The following TENM2 variants were observed in gnomAD, a reference collection of about 807,000 sequenced individuals.
The protein encoded by TENM2 is teneurin-2.
TENM2 carries 52 observed loss-of-function variants against 245.2 expected under a neutral mutation model. That is an observed-to-expected ratio of 0.21 (90% CI 0.17 to 0.27). The LOEUF is 0.27. TENM2 is among the 10% of genes least tolerant of loss of function. The pLI, the probability that TENM2 is intolerant of heterozygous loss-of-function variation, is 1.00. For synonymous variants in TENM2, 1,363 were observed against 1,438.9 expected (o/e 0.95, Z 1.19); for missense variants, 3,046 against 3,666.8 (o/e 0.83, Z 4.37).
chr5:167,766,270 G>T (rs1395920488), intron 2 of TENM2, among the ~76,000 whole-genome samples: 1 of 151,998 alleles, frequency 6.6e-6, no homozygotes, highest in African/African-American at 2.4e-5. Context: ...CTAAGCTGGG[G>T]AAAAATTTTA....
At chr5:167,758,049 C>T (rs1762423719) in intron 2 of TENM2, among the ~76,000 whole-genome samples, 1 of 152,202 alleles carries the variant, frequency 6.6e-6, no homozygotes, top group South Asian at 2.1e-4. Flanking sequence ...GATGTAGAAT[C>T]TACCAGAGTT....
chr5:167,834,672 C>T (rs1301416997), intron 2 of TENM2, among the ~76,000 whole-genome samples: 9 of 136,202 alleles, frequency 6.6e-5, no homozygotes, highest in South Asian at 2.4e-4. Context: ...CTTTTTGAGA[C>T]GGAGTCTCGC....
intron 2 of TENM2, among the ~76,000 whole-genome samples, chr5:167,665,247 A>G (rs1755494144): frequency 6.6e-6 from 1 of 152,210 alleles, no homozygotes; most frequent in African/African-American, 2.4e-5. Context: ...ACATAAAATT[A>G]CTTAGCACAA....
At chr5:167,839,940 C>T (rs1769346734) in intron 2 of TENM2, among the ~76,000 whole-genome samples, 1 of 152,212 alleles carries the variant, frequency 6.6e-6, no homozygotes, top group South Asian at 2.1e-4. Flanking sequence ...GCTTCAGCCT[C>T]CCAAGTAGCT....
At chr5:167,126,045 G>T in the TENM2 span, among the ~76,000 whole-genome samples, 3 of 152,302 alleles carry the variant, frequency 2.0e-5, no homozygotes, top group African/African-American at 7.2e-5. Context: ...TTTCTGCTTA[G>T]ATGTCCACAG....
Position 168,199,799 on chromosome 5 carries a change from C to T in TENM2, c.3163-65C>T, listed in dbSNP as rs748476703. ...GAGGGACATAGCAGACAGACAGTAT[C>T]GGGGTTACAGTTTACCTGCACAGGT... On this transcript the variant is annotated intron_variant, in intron 16 of 28. Transcript: ENST00000518659. 7 of 1,531,142 alleles carry T rather than the reference C, an allele frequency of 4.6e-6. No individual in the cohort carries two copies. In the Admixed American group the frequency reaches 5.2e-5, roughly 11 times the overall value. The allele number at this position is 1,531,142 out of a possible 1,614,324, so 94.8% of individuals were successfully genotyped here.
At chr5:167,465,351 G>T (rs573723099) in intron 2 of TENM2, among the ~76,000 whole-genome samples, 2 of 152,084 alleles carry the variant, frequency 1.3e-5, no homozygotes, top group African/African-American at 2.4e-5. Flanking sequence ...ACACTCTCTC[G>T]AAGTCACCTT....
chr5:167,737,664 CA>C lies in TENM2; in HGVS notation c.503-138321del, dbSNP rs537358573. On this transcript the variant is annotated intron_variant, in intron 2 of 28. Transcript: ENST00000518659. ...AACCAGATGATACATCAAGGCTCTA[CA>C]TAATTAAGAGCTCTGCAGTCACGGC... 2.4e-3 allele frequency among the ~76,000 whole-genome samples: 362 copies of C among 152,258 alleles called. 1 individual carries two copies. Among genetic ancestry groups the C allele is most frequent in the African/African-American group, 8.4e-3 (347 of 41,544 alleles).
the TENM2 span, among the ~76,000 whole-genome samples, chr5:167,066,803 A>T: frequency 6.6e-6 from 1 of 152,134 alleles, no homozygotes; most frequent in Non-Finnish European, 1.5e-5. Context: ...AGGGATTCAC[A>T]GTTTCTGGTG....
intron 3 of TENM2, among the ~76,000 whole-genome samples, chr5:167,927,276 C>T (rs560987786): frequency 1.3e-5 from 2 of 152,338 alleles, no homozygotes; most frequent in South Asian, 2.1e-4. Context: ...CTTTCTACTT[C>T]TTCCCAATGT....
At chr5:167,855,067 GT>G (rs1770940264) in intron 2 of TENM2, among the ~76,000 whole-genome samples, 1 of 152,164 alleles carries the variant, frequency 6.6e-6, no homozygotes, top group South Asian at 2.1e-4. Flanking sequence ...CTCACCCAGA[GT>G]AAAAGTCAAA....
the TENM2 span, among the ~76,000 whole-genome samples, chr5:167,247,668 C>T: frequency 1.3e-5 from 2 of 152,092 alleles, no homozygotes; most frequent in African/African-American, 4.8e-5. Flanking sequence ...AAGAACAAAC[C>T]CCTGGGATAA....
chr5:167,521,521 G>C (rs1477966682), intron 2 of TENM2, among the ~76,000 whole-genome samples: 2 of 152,164 alleles, frequency 1.3e-5, no homozygotes, highest in African/African-American at 2.4e-5. Flanking sequence ...TTGGGCATTG[G>C]TGAATCAAGC....
chr5:167,125,547 T>C, the TENM2 span, among the ~76,000 whole-genome samples: 1 of 152,360 alleles, frequency 6.6e-6, no homozygotes, highest in Admixed American at 6.5e-5. Flanking sequence ...TGCACAGTTC[T>C]TTGTCCCTGT....
chr5:167,751,953 TACAC>T (rs111301552), intron 2 of TENM2, among the ~76,000 whole-genome samples: 4,565 of 149,738 alleles, frequency 0.03, 213 homozygotes, highest in African/African-American at 0.1. Context: ...GTGAAAATAA[TACAC>T]ACACACACAC....
chr5:167,925,425 T>C (rs1777676552), intron 3 of TENM2, among the ~76,000 whole-genome samples: 1 of 152,320 alleles, frequency 6.6e-6, no homozygotes, highest in African/African-American at 2.4e-5. Context: ...AAATATTCTC[T>C]ATCCTGAGAA....
intron 6 of TENM2, among the ~76,000 whole-genome samples, chr5:168,054,448 A>T (rs1011022854): frequency 6.6e-6 from 1 of 152,256 alleles, no homozygotes; most frequent in African/African-American, 2.4e-5. Flanking sequence ...TAATGACTGT[A>T]GCAATATTCT....
chr5:168,201,465 G>A (rs1761935789), intron 17 of TENM2, among the ~76,000 whole-genome samples: 2 of 151,956 alleles, frequency 1.3e-5, no homozygotes, highest in Admixed American at 6.6e-5. Flanking sequence ...AACTCATGAT[G>A]AGGCCTGTTT....
At chr5:167,812,658 C>CTGG (rs1255242133) in intron 2 of TENM2, among the ~76,000 whole-genome samples, 2 of 152,192 alleles carry the variant, frequency 1.3e-5, no homozygotes, top group African/African-American at 4.8e-5. Flanking sequence ...AAGACCCTCC[C>CTGG]TGGACAGTTG....
Sources: allele counts gnomAD v4.1 joint callset (sites outside exome capture counted in the v4.1 genomes callset), GRCh38; gene constraint gnomAD v4.1.1; transcripts MANE v1.5; gene names NCBI Gene and HGNC (gene_info 2026-07-23, HGNC 2026-07-21).